The following LARGE1 variants were observed in gnomAD, a reference collection of about 807,000 sequenced individuals.
LARGE1 encodes xylosyl- and glucuronyltransferase LARGE1.
A neutral mutation model predicts 87.6 loss-of-function variants in LARGE1; 43 were observed. The ratio of observed to expected loss-of-function variants is 0.49; its 90% confidence interval spans 0.38 to 0.63. The LOEUF (loss-of-function observed/expected upper bound fraction) is 0.63. Ranked by LOEUF, LARGE1 falls within the 30% of genes least tolerant of loss-of-function variation. The pLI is 0.00. For missense variants in LARGE1, 802 were observed against 1,000.2 expected (o/e 0.80, Z 2.67); for synonymous variants, 434 against 394.6 (o/e 1.10, Z -1.18).
chr22:33,404,950 C>T (rs2066046543), intron 7 of LARGE1, among the ~76,000 whole-genome samples: 1 of 152,100 alleles, frequency 6.6e-6, no homozygotes, highest in Non-Finnish European at 1.5e-5. Context: ...GTCATCACGG[C>T]CACAAAAGAG....
chr22:33,110,496 A>ACTG, the LARGE1 span: 1 of 152,230 alleles, frequency 6.6e-6, no homozygotes, highest in African/African-American at 2.4e-5. Context: ...TTCTGGGGAT[A>ACTG]CTGCAGCCAC....
downstream of LARGE1, among the ~76,000 whole-genome samples, chr22:33,161,639 TA>T (rs1316258026): frequency 6.6e-6 from 1 of 152,238 alleles, no homozygotes; most frequent in Non-Finnish European, 1.5e-5. Flanking sequence ...CATGAGACCT[TA>T]AAGTTCCAAA....
intron 6 of LARGE1, among the ~76,000 whole-genome samples, chr22:33,549,588 G>A (rs1403812278): frequency 6.6e-6 from 1 of 152,218 alleles, no homozygotes; most frequent in African/African-American, 2.4e-5. Flanking sequence ...ACTACTAGAT[G>A]TTCAACTATC....
intron 13 of LARGE1, 80 bp downstream of exon 13, chr22:33,283,122 C>T (rs1180386505): frequency 3.2e-5 from 51 of 1,569,732 alleles, no homozygotes; most frequent in African/African-American, 4.1e-5. Flanking sequence ...ACTTCCAGAT[C>T]GATAGCTTTG....
chr22:33,096,944 G>A, the LARGE1 span, among the ~76,000 whole-genome samples: 1 of 152,198 alleles, frequency 6.6e-6, no homozygotes, highest in Non-Finnish European at 1.5e-5. Context: ...TTACTGCAGA[G>A]GATTGGCTGT....
intron 6 of LARGE1, among the ~76,000 whole-genome samples, chr22:33,478,463 T>G (rs1296911992): frequency 6.6e-6 from 1 of 152,226 alleles, no homozygotes; most frequent in African/African-American, 2.4e-5. Context: ...CAAAGTAGGA[T>G]GAAATAATGG....
At chr22:33,311,692 T>A (rs1935610405) in intron 11 of LARGE1, among the ~76,000 whole-genome samples, 1 of 152,206 alleles carries the variant, frequency 6.6e-6, no homozygotes, top group Admixed American at 6.5e-5. Context: ...CTTGCTTTTT[T>A]TTCTTTTCTA....
intron 2 of LARGE1, among the ~76,000 whole-genome samples, chr22:33,668,511 C>T (rs1270836978): frequency 6.6e-6 from 1 of 152,154 alleles, no homozygotes; most frequent in African/African-American, 2.4e-5. Context: ...AGTCACTTTC[C>T]CTGTAAAGTA....
At chr22:33,830,127 T>C (rs1358025854) in intron 1 of LARGE1, among the ~76,000 whole-genome samples, 1 of 152,074 alleles carries the variant, frequency 6.6e-6, no homozygotes, top group Non-Finnish European at 1.5e-5. Context: ...CTCTGCTCAT[T>C]TATTAAAGCA....
intron 2 of LARGE1, among the ~76,000 whole-genome samples, chr22:33,666,828 G>A (rs762918903): frequency 5.3e-4 from 81 of 152,286 alleles, no homozygotes; most frequent in South Asian, 1.5e-3. Flanking sequence ...CTTGGGGCTT[G>A]CATTTGCATA....
intron 8 of LARGE1, among the ~76,000 whole-genome samples, chr22:33,383,936 C>G (rs970520594): frequency 6.6e-6 from 1 of 152,168 alleles, no homozygotes; most frequent in Non-Finnish European, 1.5e-5. Context: ...TCTCTGTCAT[C>G]CTTTTTCTGA....
rs73166297 is a variant in LARGE1, at chr22:33,489,911, C to T, written c.788-57646G>A. ...ATGAACAAGCGTAGATGGGGCTGGG[C>T]TGGGTGGTGTTGCTGTCTCTAAAGA... On this transcript the variant is annotated intron_variant, in intron 6 of 14. Transcript: ENST00000397394. 9.5e-3 allele frequency among the ~76,000 whole-genome samples: 1,445 copies of T among 152,240 alleles called. 6 individuals are homozygous for T. Among genetic ancestry groups the T allele is most frequent in the Non-Finnish European group, 0.016 (1,099 of 68,012 alleles).
chr22:33,805,993 T>C (rs1264942592), intron 1 of LARGE1, among the ~76,000 whole-genome samples: 1 of 152,196 alleles, frequency 6.6e-6, no homozygotes, highest in Non-Finnish European at 1.5e-5. Flanking sequence ...GGCATTTATT[T>C]AGTGCATTCA....
chr22:33,534,238 A>C (rs990278747), intron 6 of LARGE1, among the ~76,000 whole-genome samples: 6 of 152,214 alleles, frequency 3.9e-5, no homozygotes, highest in African/African-American at 1.4e-4. Context: ...CCCTGTCTCT[A>C]CTAAAAATAC....
intron 1 of LARGE1, among the ~76,000 whole-genome samples, chr22:33,860,572 G>A (rs966629466): frequency 6.6e-6 from 1 of 152,174 alleles, no homozygotes; most frequent in African/African-American, 2.4e-5. Context: ...AGCATGGCCT[G>A]AGGAAAGCGA....
intron 6 of LARGE1, among the ~76,000 whole-genome samples, chr22:33,511,426 T>C (rs2071050152): frequency 6.6e-6 from 1 of 152,230 alleles, no homozygotes; most frequent in South Asian, 2.1e-4. Context: ...TGAGGGGGGA[T>C]TCAGCTTTGC....
At position 33,783,425 on chromosome 22, in the gene LARGE1, C is replaced by T. The variant is rs1294396777; in HGVS notation, c.-82-21867G>A. On this transcript the variant is annotated intron_variant, in intron 1 of 14. Coordinates refer to ENST00000397394, the MANE Select transcript of LARGE1 (RefSeq NM_133642.5). ...ACTAAAAATGCAAAAATTAGCTGGGCATGGTGGCGGGTGCCTGTAATCCCA... is the reference window on the plus strand; with the variant it reads ...ACTAAAAATGCAAAAATTAGCTGGGTATGGTGGCGGGTGCCTGTAATCCCA... Among the ~76,000 whole-genome samples the T allele has an allele frequency of 3.3e-5, 5 of 152,076 alleles. 1 individual carries two copies. The highest frequency in any genetic ancestry group is 2.9e-5 in the Non-Finnish European group (2 of 68,002).
chr22:33,084,171 G>C, the LARGE1 span, among the ~76,000 whole-genome samples: 1 of 151,842 alleles, frequency 6.6e-6, no homozygotes, highest in East Asian at 1.9e-4. Context: ...TTCAGTTATC[G>C]CCTCCTCAAA....
chr22:33,276,630 T>C (rs1428238351), intron 14 of LARGE1, among the ~76,000 whole-genome samples: 2 of 152,216 alleles, frequency 1.3e-5, no homozygotes, highest in African/African-American at 2.4e-5. Context: ...CTTTTAGTAA[T>C]GATGGATGCA....
Sources: gnomAD v4.1 joint callset for allele counts (sites outside exome capture counted in the v4.1 genomes callset) on GRCh38, gnomAD v4.1.1 for gene constraint, MANE v1.5 for transcripts, NCBI Gene and HGNC (gene_info 2026-07-23, HGNC 2026-07-21) for gene names.